Variants in KIAA1217 observed in about 807,000 individuals in gnomAD.
KIAA1217 encodes the protein KIAA1217, also known as sickle tail protein homolog.
Under a neutral mutation model 163.9 loss-of-function variants are expected in KIAA1217, and 88 were observed. The observed-to-expected ratio is 0.54, with a 90% CI of 0.45 to 0.64. KIAA1217 has a LOEUF of 0.64. KIAA1217 is among the 30% of genes least tolerant of loss of function. KIAA1217 has a pLI of 0.00. For synonymous variants in KIAA1217, 903 were observed against 923.1 expected (o/e 0.98, Z 0.39); for missense variants, 2,372 against 2,475.0 (o/e 0.96, Z 0.88).
chr10:23,705,057 A>G (rs183147540), intron 1 of KIAA1217, among the ~76,000 whole-genome samples: 34 of 152,280 alleles, frequency 2.2e-4, no homozygotes, highest in Non-Finnish European at 7.4e-5. Flanking sequence ...GAGGTTAGGT[A>G]TCTTTTCATG....
chr10:24,271,283 C>T (rs1471652696), intron 2 of KIAA1217, among the ~76,000 whole-genome samples: 2 of 152,048 alleles, frequency 1.3e-5, no homozygotes, highest in Non-Finnish European at 2.9e-5. Context: ...TAACATTGAA[C>T]TTAGTAATCA....
At chr10:24,038,639 G>A (rs1589269779) in intron 2 of KIAA1217, among the ~76,000 whole-genome samples, 1 of 152,156 alleles carries the variant, frequency 6.6e-6, no homozygotes, top group East Asian at 1.9e-4. Context: ...GAGGAAAATT[G>A]GATCCAGTAG....
At chr10:24,379,987 G>C (rs1379394160) in intron 2 of KIAA1217, among the ~76,000 whole-genome samples, 1 of 152,178 alleles carries the variant, frequency 6.6e-6, no homozygotes, top group African/African-American at 2.4e-5. Flanking sequence ...AGGAGGCAGA[G>C]GTTGAAGTGA....
chr10:23,703,723 C>T (rs1185738544), intron 1 of KIAA1217, among the ~76,000 whole-genome samples: 1 of 151,854 alleles, frequency 6.6e-6, no homozygotes, highest in Non-Finnish European at 1.5e-5. Context: ...TATTCTTTCT[C>T]CTCCTCCTCC....
At chr10:24,461,881 T>G (rs1332786858) in intron 5 of KIAA1217, among the ~76,000 whole-genome samples, 1 of 152,166 alleles carries the variant, frequency 6.6e-6, no homozygotes, top group African/African-American at 2.4e-5. Flanking sequence ...ATGGAGACCC[T>G]GTGCCTCTGT....
intron 2 of KIAA1217, among the ~76,000 whole-genome samples, chr10:24,130,881 G>A (rs940637842): frequency 6.6e-6 from 1 of 152,122 alleles, no homozygotes; most frequent in Non-Finnish European, 1.5e-5. Context: ...TGGTAGACAT[G>A]ACTTTAAACT....
chr10:24,420,070 T>C (rs2058607785), intron 3 of KIAA1217, among the ~76,000 whole-genome samples: 1 of 152,078 alleles, frequency 6.6e-6, no homozygotes, highest in African/African-American at 2.4e-5. Context: ...TTCTCTGCGA[T>C]GGTCAGCTTA....
intron 16 of KIAA1217, among the ~76,000 whole-genome samples, chr10:24,535,082 C>T (rs1163972151): frequency 1.3e-5 from 2 of 152,180 alleles, no homozygotes; most frequent in Non-Finnish European, 2.9e-5. Context: ...CTTCTAAGGA[C>T]AGTTGTGGAA....
At chr10:24,170,629 C>A (rs1287088496) in intron 2 of KIAA1217, among the ~76,000 whole-genome samples, 1 of 152,140 alleles carries the variant, frequency 6.6e-6, no homozygotes, top group Admixed American at 6.5e-5. Flanking sequence ...GGTCAAAAGA[C>A]CCTCACTGCT....
chr10:24,500,660 T>C (rs1468514740), intron 8 of KIAA1217, among the ~76,000 whole-genome samples: 1 of 152,188 alleles, frequency 6.6e-6, no homozygotes, highest in African/African-American at 2.4e-5. Context: ...CAGAAATAAG[T>C]TGCATGTCCT....
chr10:23,793,711 T>A (rs563281223), intron 1 of KIAA1217, among the ~76,000 whole-genome samples: 1 of 152,310 alleles, frequency 6.6e-6, no homozygotes, highest in South Asian at 2.1e-4. Context: ...TGGACCTGGG[T>A]TCTTCCTCCC....
At chr10:24,162,626 C>T (rs1010052354) in intron 2 of KIAA1217, among the ~76,000 whole-genome samples, 3 of 152,176 alleles carry the variant, frequency 2.0e-5, no homozygotes, top group Non-Finnish European at 4.4e-5. Context: ...CTGTTCTGCA[C>T]AAAAAATTGC....
intron 2 of KIAA1217, among the ~76,000 whole-genome samples, chr10:24,254,603 A>C (rs927960205): frequency 2.0e-5 from 3 of 152,200 alleles, no homozygotes; most frequent in African/African-American, 7.2e-5. Context: ...TATGCTTTTA[A>C]GGCAGATATG....
At chr10:24,193,037 C>T (rs2066800793) in intron 2 of KIAA1217, among the ~76,000 whole-genome samples, 1 of 152,166 alleles carries the variant, frequency 6.6e-6, no homozygotes, top group Non-Finnish European at 1.5e-5. Context: ...CCATCTCAGC[C>T]TCCTGAGTAA....
chr10:24,113,735 G>C (rs1451359758), intron 2 of KIAA1217, among the ~76,000 whole-genome samples: 2 of 152,152 alleles, frequency 1.3e-5, no homozygotes, highest in African/African-American at 4.8e-5. Flanking sequence ...CTCACCACCT[G>C]ATGCATTATC....
chr10:23,884,680 T>G (rs939284612), intron 1 of KIAA1217, among the ~76,000 whole-genome samples: 3 of 151,968 alleles, frequency 2.0e-5, no homozygotes, highest in Non-Finnish European at 2.9e-5. Context: ...TCAGGCACTA[T>G]AAAACATAAT....
At chr10:23,729,018 T>A (rs193196850) in intron 1 of KIAA1217, among the ~76,000 whole-genome samples, 46 of 152,340 alleles carry the variant, frequency 3.0e-4, no homozygotes, top group Non-Finnish European at 5.9e-4. Context: ...TGCCTTTTTT[T>A]CAGAATGTCA....
intron 6 of KIAA1217, among the ~76,000 whole-genome samples, chr10:24,486,683 G>C (rs933673242): frequency 2.0e-5 from 3 of 152,148 alleles, no homozygotes; most frequent in African/African-American, 7.2e-5. Context: ...CACATGGCCT[G>C]CTCTCTCACT....
chr10:24,247,532 C>G (rs530064039), intron 2 of KIAA1217, among the ~76,000 whole-genome samples: 2 of 152,218 alleles, frequency 1.3e-5, no homozygotes. Context: ...CGTGGTGGCT[C>G]ACGCTTGTAA....
Sources: gnomAD v4.1 joint callset for allele counts (sites outside exome capture counted in the v4.1 genomes callset) on GRCh38, gnomAD v4.1.1 for gene constraint, MANE v1.5 for transcripts, NCBI Gene and HGNC (gene_info 2026-07-23, HGNC 2026-07-21) for gene names.